The following IFIT1 variants were observed in gnomAD, a reference collection of about 807,000 sequenced individuals.
IFIT1 encodes antiviral innate immune response effector IFIT1.
A neutral mutation model predicts 2.5 loss-of-function variants in IFIT1; 1 was observed. The ratio of observed to expected loss-of-function variants is 0.40; its 90% CI spans 0.14 to 1.92. The LOEUF (loss-of-function observed/expected upper bound fraction) is 1.92, where lower values mean the gene tolerates loss of function less well. Ranked by LOEUF, IFIT1 falls within the 40% of genes most tolerant of loss-of-function variation. The pLI is 0.31. For missense variants in IFIT1, 508 were observed against 557.8 expected (o/e 0.91, Z 0.90); for synonymous variants, 191 against 201.7 (o/e 0.95, Z 0.45).
chr10:89,403,886 G>A lies in IFIT1; in HGVS notation c.*174G>A, dbSNP rs1844485342. On this transcript the variant is annotated 3_prime_UTR_variant, in exon 2 of 2. Coordinates refer to ENST00000371804, the MANE Select transcript of IFIT1 (RefSeq NM_001548.5). ...TTCAACAATTAGTGAAACAGAATGTGTGTATGCATGTAAGAAAGAGAAATC... is the reference window on the plus strand; with the variant it reads ...TTCAACAATTAGTGAAACAGAATGTATGTATGCATGTAAGAAAGAGAAATC... The A allele has an allele frequency of 1.3e-5, 7 of 531,446 alleles. No homozygotes were observed. The South Asian group carries it at 2.1e-4, about 16-fold the overall frequency. The allele number at this position is 531,446 out of a possible 1,614,324, so 32.9% of individuals were successfully genotyped here.
rs776235271 is a variant in IFIT1 at position 89,402,501 on chromosome 10, A to C, written c.226A>C (p.Lys76Gln). 6.2e-7 allele frequency: 1 copy of C among 1,614,116 alleles called. No homozygotes were observed. Among genetic ancestry groups the C allele is most frequent in the African/African-American group, 1.3e-5 (1 of 74,944 alleles). ...GAATGAGGAAGCCCTGAAGAGCTTA[A>C]AAGAAGCTGAAAACTTAATGCAGGA... The part of the protein sequence containing the change: ...GQNEEALKSL[K>Q]EAENLMQEEH... The change falls in exon 2 of 2, where the codon AAA becomes CAA. Residue 76 changes from lysine to glutamine, a missense_variant. Coordinates refer to ENST00000371804, the MANE Select transcript of IFIT1 (RefSeq NM_001548.5).
intron 1 of IFIT1, chr10:89,393,074 A>G: frequency 1.7e-6 from 2 of 1,163,376 alleles, no homozygotes; most frequent in Non-Finnish European, 2.3e-6. Context: ...AGGAATGGAC[A>G]GCTTGTCTGA....
chr10:89,395,189 A>T (rs1378496050), intron 1 of IFIT1, among the ~76,000 whole-genome samples: 1 of 79,944 alleles, frequency 1.3e-5, no homozygotes, highest in Non-Finnish European at 2.6e-5. Context: ...CCCCACCCCC[A>T]CCCCACATGG....
Position 89,392,644 on chromosome 10 carries a change from A to T in IFIT1, c.-69A>T. 6.4e-7 allele frequency: 1 copy of T among 1,566,658 alleles called. No individual in the cohort carries two copies. The highest frequency in any genetic ancestry group is 8.8e-7 in the Non-Finnish European group (1 of 1,136,854). Reference sequence around the variant, plus strand: ...ACGTAACTGAAAATCCACAAGACAGAATAGCCAGATCTCAGAGGAGCCTGG... The same window carrying T: ...ACGTAACTGAAAATCCACAAGACAGTATAGCCAGATCTCAGAGGAGCCTGG... On this transcript the variant is annotated 5_prime_UTR_variant, in exon 1 of 2. Transcript: ENST00000371804.
chr10:89,403,431 C>G lies in IFIT1; in HGVS notation c.1156C>G (p.Arg386Gly). 1 of 1,613,712 alleles carries G rather than the reference C, an allele frequency of 6.2e-7. No individual in the cohort carries two copies. Among genetic ancestry groups the G allele is most frequent in the Non-Finnish European group, 8.5e-7 (1 of 1,179,886 alleles). Residue 386 changes from arginine to glycine, a missense_variant, in exon 2 of 2, where the codon CGG becomes GGG. Transcript: ENST00000371804. ...GCAAGACATACATTTCCACTATGGT[C>G]GGTTTCAGGAATTTCAAAAGAAATC... ...TMQDIHFHYG[R>G]FQEFQKKSDV...
chr10:89,405,467 TA>T lies in IFIT1; in HGVS notation c.*1757del, dbSNP rs1278987475. 1 of 152,234 alleles carries T rather than the reference TA, an allele frequency of 6.6e-6. No homozygotes were observed. The highest frequency in any genetic ancestry group is 1.5e-5 in the Non-Finnish European group (1 of 68,034). The allele number at this position is 152,234 out of a possible 1,614,324, so 9.4% of individuals were successfully genotyped here. On this transcript the variant is annotated 3_prime_UTR_variant, in exon 2 of 2. Coordinates refer to ENST00000371804, the MANE Select transcript of IFIT1 (RefSeq NM_001548.5). ...ATATACTAGTTTCTTTTAGTGGCTG[TA>T]ACAAATTACCACAAACTTGGTGACT...
chr10:89,399,762 T>C (rs1844395839), intron 1 of IFIT1, among the ~76,000 whole-genome samples: 1 of 149,978 alleles, frequency 6.7e-6, no homozygotes, highest in Non-Finnish European at 1.5e-5. Flanking sequence ...TGTTGAACTG[T>C]TGTTTGGAGA....
intron 1 of IFIT1, chr10:89,393,273 C>T: frequency 7.8e-7 from 1 of 1,289,660 alleles, no homozygotes; most frequent in Non-Finnish European, 1.0e-6. Context: ...CCTCTTACAA[C>T]AGGTTTTCGC....
In IFIT1 at chr10:89,402,817, A is replaced by G; in HGVS notation, c.542A>G (p.Tyr181Cys). The G allele has an allele frequency of 1.2e-6, 2 of 1,614,246 alleles. No homozygotes were observed. The highest frequency in any genetic ancestry group is 1.7e-6 in the Non-Finnish European group (2 of 1,180,044). Residue 181 changes from tyrosine (Y) to cysteine (C), a missense_variant, in exon 2 of 2, where the codon TAT (tyrosine) becomes TGT (cysteine). Transcript: ENST00000371804. ...DPENPESSAGYAISAYRLDGF... is the reference protein window; with the variant it reads ...DPENPESSAGCAISAYRLDGF... ...GAAAACCCTGAATCCAGCGCTGGGT[A>G]TGCGATCTCTGCCTATCGCCTGGAT...
At chr10:89,401,243 A>G (rs1158984424) in intron 1 of IFIT1, among the ~76,000 whole-genome samples, 6 of 151,852 alleles carry the variant, frequency 4.0e-5, no homozygotes, top group African/African-American at 9.7e-5. Flanking sequence ...CAGCCTCCGA[A>G]GTAGCTGGGA....
intron 1 of IFIT1, among the ~76,000 whole-genome samples, chr10:89,395,601 A>G (rs1322654790): frequency 6.6e-6 from 1 of 152,214 alleles, no homozygotes; most frequent in African/African-American, 2.4e-5. Flanking sequence ...AGGTCAGGCA[A>G]GAACCACAAG....
chr10:89,402,359 T>A lies in IFIT1; in HGVS notation c.84T>A (p.Asp28Glu), dbSNP rs1287360462. 6.2e-7 allele frequency: 1 copy of A among 1,614,182 alleles called. No homozygotes were observed. Among genetic ancestry groups the A allele is most frequent in the Non-Finnish European group, 8.5e-7 (1 of 1,179,996 alleles). ...RCHFTWELSI[D>E]DDEMPDLENR... ...ACTTTACATGGGAGTTATCCATTGATGACGATGAAATGCCTGATTTAGAAA... is the reference window on the plus strand; with the variant it reads ...ACTTTACATGGGAGTTATCCATTGAAGACGATGAAATGCCTGATTTAGAAA... Residue 28 changes from aspartate to glutamate, a missense_variant, in exon 2 of 2, where the codon GAT becomes GAA. Physicochemically the swap from Asp to Glu is conservative, Grantham distance 45. Coordinates refer to ENST00000371804, the MANE Select transcript of IFIT1 (RefSeq NM_001548.5).
chr10:89,393,254 C>T, intron 1 of IFIT1: 3 of 1,289,832 alleles, frequency 2.3e-6, no homozygotes, highest in Non-Finnish European at 2.0e-6. Flanking sequence ...TCACTTTCTG[C>T]ACTGCTGGCC....
chr10:89,395,678 G>T (rs1844332705), intron 1 of IFIT1, among the ~76,000 whole-genome samples: 1 of 152,072 alleles, frequency 6.6e-6, no homozygotes, highest in African/African-American at 2.4e-5. Flanking sequence ...AGACGCTTAG[G>T]CATTAGGCTG....
chr10:89,393,022 G>A, intron 1 of IFIT1: 1 of 798,842 alleles, frequency 1.3e-6, no homozygotes, highest in Non-Finnish European at 1.8e-6. Flanking sequence ...CCCAATCTGA[G>A]AGATTCTTTC....
chr10:89,402,663 A>T lies in IFIT1; in HGVS notation c.388A>T (p.Asn130Tyr). Residue 130 changes from asparagine to tyrosine, a missense_variant, in exon 2 of 2, where the codon AAT (asparagine) becomes TAT (tyrosine). Coordinates refer to ENST00000371804, the MANE Select transcript of IFIT1 (RefSeq NM_001548.5). ...GGAGAACATTTGCAAGAAGCTTTCA[A>T]ATCCCTTCCGCTATAGAATGGAGTG... The part of the protein sequence containing the change: ...KVENICKKLS[N>Y]PFRYRMECPE... The T allele has an allele frequency of 6.2e-7, 1 of 1,614,226 alleles. No homozygotes were observed. The highest frequency in any genetic ancestry group is 8.5e-7 in the Non-Finnish European group (1 of 1,180,032).
intron 1 of IFIT1, among the ~76,000 whole-genome samples, chr10:89,394,971 A>G (rs1844320194): frequency 6.6e-6 from 1 of 152,114 alleles, no homozygotes; most frequent in African/African-American, 2.4e-5. Flanking sequence ...ATAATTTTAT[A>G]TTTCCTAAGC....
In IFIT1 at chr10:89,403,367, A is replaced by G; in HGVS notation, c.1092A>G (p.Gln364=). The G allele has an allele frequency of 1.2e-6, 2 of 1,613,438 alleles. No individual in the cohort carries two copies. Among genetic ancestry groups the G allele is most frequent in the Admixed American group, 1.7e-5 (1 of 59,934 alleles). The part of the protein sequence containing the change: ...GNHRKAEENF[Q]KLLCMKPVVE... ...ACAGAAAAGCTGAAGAGAATTTTCA[A>G]AAATTGTTATGCATGAAACCAGTGG... is the stretch of plus-strand genomic sequence containing the variant. Residue 364 remains glutamine (Q), a synonymous_variant, in exon 2 of 2, where the codon CAA becomes CAG. Coordinates refer to ENST00000371804, the MANE Select transcript of IFIT1 (RefSeq NM_001548.5).
chr10:89,392,627 GA>G lies in IFIT1; in HGVS notation c.-82del. 6.8e-7 allele frequency: 1 copy of G among 1,471,506 alleles called. No homozygotes were observed. The highest frequency in any genetic ancestry group is 9.5e-7 in the Non-Finnish European group (1 of 1,050,704). 91.2% of individuals were successfully genotyped at this position (1,471,506 alleles called of 1,614,324 possible). A position where few individuals can be genotyped will look rare whatever the true frequency, so the allele number is the denominator to read the frequency against. ...ACTGTCTTGGGGTTTAAACGTAACT[GA>G]AAATCCACAAGACAGAATAGCCAGA... On this transcript the variant is annotated 5_prime_UTR_variant, in exon 1 of 2. Transcript: ENST00000371804.
Sources: gnomAD v4.1 joint callset for allele counts (sites outside exome capture counted in the v4.1 genomes callset) on GRCh38, gnomAD v4.1.1 for gene constraint, MANE v1.5 for transcripts, NCBI Gene and HGNC (gene_info 2026-07-23, HGNC 2026-07-21) for gene names.